Variants in XKR4 observed in about 807,000 individuals in gnomAD.
XKR4 encodes the protein XK related 4, also known as XK-related protein 4.
XKR4 carries 12 observed loss-of-function variants against 53.9 expected under a neutral mutation model. The observed-to-expected ratio is 0.22, with a 90% CI of 0.14 to 0.36. The LOEUF is 0.36. Among genes scored for constraint, XKR4 ranks in the 10% least tolerant of loss-of-function variants. XKR4 has a pLI of 1.00. For missense variants in XKR4, 799 were observed against 859.5 expected (o/e 0.93, Z 0.88); for synonymous variants, 354 against 362.4 (o/e 0.98, Z 0.26).
At chr8:55,289,601 GAAA>G (rs1818957553) in intron 1 of XKR4, among the ~76,000 whole-genome samples, 1 of 89,294 alleles carries the variant, frequency 1.1e-5, no homozygotes, top group African/African-American at 4.7e-5. Context: ...GAGAAAGAAA[GAAA>G]GAAAGAAAGA....
intron 1 of XKR4, among the ~76,000 whole-genome samples, chr8:55,122,564 G>A (rs1816405864): frequency 1.3e-5 from 2 of 152,148 alleles, no homozygotes; most frequent in Non-Finnish European, 2.9e-5. Context: ...TGATTAGAAT[G>A]GAATGACTTG....
intron 2 of XKR4, among the ~76,000 whole-genome samples, chr8:55,395,389 G>T (rs2975945): frequency 6.6e-6 from 1 of 151,644 alleles, no homozygotes; most frequent in Non-Finnish European, 1.5e-5. Flanking sequence ...TCCAGGAAAG[G>T]CATGACCATG....
chr8:55,137,744 A>T (rs1353936125), intron 1 of XKR4, among the ~76,000 whole-genome samples: 5 of 151,214 alleles, frequency 3.3e-5, no homozygotes, highest in African/African-American at 4.9e-5. Flanking sequence ...TTATTTATTT[A>T]TTTTTTTTGT....
intron 2 of XKR4, among the ~76,000 whole-genome samples, chr8:55,398,063 C>T (rs556098213): frequency 6.6e-6 from 1 of 152,180 alleles, no homozygotes; most frequent in Non-Finnish European, 1.5e-5. Context: ...ATAACAGATA[C>T]AAAATTTGTT....
chr8:55,410,962 G>A (rs1804768040), intron 2 of XKR4, among the ~76,000 whole-genome samples: 1 of 152,100 alleles, frequency 6.6e-6, no homozygotes, highest in Admixed American at 6.5e-5. Context: ...TCATGTCACT[G>A]TGCATTCTTC....
chr8:55,136,908 G>T (rs1816638418), intron 1 of XKR4, among the ~76,000 whole-genome samples: 1 of 152,162 alleles, frequency 6.6e-6, no homozygotes, highest in African/African-American at 2.4e-5. Context: ...ATGTAAAAAA[G>T]AAAGCATTCA....
At chr8:55,507,854 G>A (rs1035142701) in intron 2 of XKR4, among the ~76,000 whole-genome samples, 5 of 152,172 alleles carry the variant, frequency 3.3e-5, no homozygotes, top group Non-Finnish European at 5.9e-5. Context: ...AATCCTTTGG[G>A]TATATACCCA....
chr8:55,386,710 T>A (rs1201382240), intron 2 of XKR4, among the ~76,000 whole-genome samples: 1 of 152,228 alleles, frequency 6.6e-6, no homozygotes, highest in Non-Finnish European at 1.5e-5. Context: ...TCTGGATCCC[T>A]GCATTGTACA....
At chr8:55,381,670 C>T (rs1256130018) in intron 2 of XKR4, among the ~76,000 whole-genome samples, 1 of 152,174 alleles carries the variant, frequency 6.6e-6, no homozygotes, top group Non-Finnish European at 1.5e-5. Context: ...AGATCTCCAC[C>T]ACTGAGACCA....
At chr8:55,362,135 T>C (rs1585538602) in intron 2 of XKR4, among the ~76,000 whole-genome samples, 2 of 152,268 alleles carry the variant, frequency 1.3e-5, no homozygotes, top group Middle Eastern at 6.8e-3. Context: ...GCCCATTGCA[T>C]AGGGCTTCTT....
chr8:55,423,196 A>T (rs1357715426), intron 2 of XKR4, among the ~76,000 whole-genome samples: 1 of 152,044 alleles, frequency 6.6e-6, no homozygotes, highest in African/African-American at 2.4e-5. Context: ...CCCAGGTTCA[A>T]GCGATTCTCA....
chr8:55,202,670 T>A (rs1052343705), intron 1 of XKR4, among the ~76,000 whole-genome samples: 1 of 152,246 alleles, frequency 6.6e-6, no homozygotes, highest in Non-Finnish European at 1.5e-5. Context: ...TACTTGTGAC[T>A]TGTAACTTTC....
intron 2 of XKR4, among the ~76,000 whole-genome samples, chr8:55,487,812 C>T (rs1021323367): frequency 6.6e-6 from 1 of 152,124 alleles, no homozygotes; most frequent in African/African-American, 2.4e-5. Flanking sequence ...ATTAAATTCA[C>T]GAGTCCTCCC....
chr8:55,160,071 T>C (rs1476893571), intron 1 of XKR4, among the ~76,000 whole-genome samples: 1 of 152,184 alleles, frequency 6.6e-6, no homozygotes, highest in African/African-American at 2.4e-5. Flanking sequence ...TAGAGAATTG[T>C]CTAGGAAAGT....
chr8:55,331,374 A>G (rs1585524510), intron 1 of XKR4, among the ~76,000 whole-genome samples: 1 of 152,164 alleles, frequency 6.6e-6, no homozygotes, highest in Non-Finnish European at 1.5e-5. Flanking sequence ...GTCCTAACAT[A>G]TGGTCTGTTC....
chr8:55,475,698 C>T (rs58967820), intron 2 of XKR4, among the ~76,000 whole-genome samples: 2 of 151,316 alleles, frequency 1.3e-5, no homozygotes, highest in Non-Finnish European at 2.9e-5. Context: ...CCACCTCCCA[C>T]GTTCAAACAG....
intron 1 of XKR4, among the ~76,000 whole-genome samples, chr8:55,112,287 T>C (rs568701739): frequency 4.2e-4 from 64 of 152,256 alleles, no homozygotes; most frequent in Admixed American, 2.9e-3. Context: ...AACAGAGCAG[T>C]GGGCATTGTG....
chr8:55,244,099 G>A (rs1056285265), intron 1 of XKR4, among the ~76,000 whole-genome samples: 23 of 152,202 alleles, frequency 1.5e-4, no homozygotes, highest in African/African-American at 5.1e-4. Flanking sequence ...AGGGGAACAT[G>A]TGCAGGTATG....
intron 1 of XKR4, among the ~76,000 whole-genome samples, chr8:55,133,780 A>C (rs1816587942): frequency 6.6e-6 from 1 of 152,264 alleles, no homozygotes; most frequent in South Asian, 2.1e-4. Flanking sequence ...CATCAATTAA[A>C]AGAGATGGAC....
Sources: allele counts gnomAD v4.1 joint callset (sites outside exome capture counted in the v4.1 genomes callset), GRCh38; gene constraint gnomAD v4.1.1; transcripts MANE v1.5; gene names NCBI Gene and HGNC (gene_info 2026-07-23, HGNC 2026-07-21).